KIF13B: variants seen among roughly 807,000 people sequenced by gnomAD.
KIF13B encodes kinesin-like protein KIF13B.
Under a neutral mutation model 222.0 loss-of-function variants are expected in KIF13B, and 127 were observed. That is an observed-to-expected ratio of 0.57 (90% CI 0.50 to 0.66). The LOEUF is 0.66. Among genes scored for constraint, KIF13B ranks in the 30% least tolerant of loss-of-function variants. KIF13B has a pLI of 0.00. For missense variants in KIF13B, 2,173 were observed against 2,379.0 expected (o/e 0.91, Z 1.80); for synonymous variants, 976 against 919.0 (o/e 1.06, Z -1.12).
intron 1 of KIF13B, among the ~76,000 whole-genome samples, chr8:29,257,752 C>G (rs560668694): frequency 3.7e-4 from 57 of 152,100 alleles, no homozygotes; most frequent in Middle Eastern, 6.8e-3. Context: ...GTTGAGGATG[C>G]AGTGAGTGAT....
intron 6 of KIF13B, among the ~76,000 whole-genome samples, chr8:29,183,629 G>A (rs1047494687): frequency 2.6e-5 from 4 of 152,092 alleles, no homozygotes; most frequent in African/African-American, 9.7e-5. Context: ...AATAAACTTT[G>A]GGCTCTAGAA....
chr8:29,195,210 C>T (rs1359653705), intron 3 of KIF13B, among the ~76,000 whole-genome samples: 2 of 152,014 alleles, frequency 1.3e-5, no homozygotes, highest in Admixed American at 1.3e-4. Flanking sequence ...ATCACGCCAC[C>T]GCACTCCAGC....
At chr8:29,100,669 C>T (rs1480935989) in intron 35 of KIF13B, among the ~76,000 whole-genome samples, 3 of 152,074 alleles carry the variant, frequency 2.0e-5, no homozygotes, top group African/African-American at 7.2e-5. Flanking sequence ...AGACTGGTCT[C>T]GAACTCCTGA....
intron 18 of KIF13B, among the ~76,000 whole-genome samples, chr8:29,145,544 T>C (rs904418462): frequency 3.3e-5 from 5 of 152,064 alleles, no homozygotes; most frequent in Non-Finnish European, 1.5e-5. Flanking sequence ...GGCAGGAGAA[T>C]CGCTTGAACC....
At chr8:29,141,677 G>C (rs745374066) in intron 19 of KIF13B, among the ~76,000 whole-genome samples, 8 of 152,228 alleles carry the variant, frequency 5.3e-5, no homozygotes, top group Non-Finnish European at 1.0e-4. Flanking sequence ...CCAATGTATA[G>C]ATTTATGGCA....
rs550905532 is a variant in KIF13B, at chr8:29,252,055, G to A, written c.56-6616C>T. Among the ~76,000 whole-genome samples, 13 of 152,020 alleles carry A rather than the reference G, an allele frequency of 8.6e-5. 1 individual carries two copies. In the South Asian group the frequency reaches 2.1e-3, roughly 24 times the overall value. On this transcript the variant is annotated intron_variant, in intron 1 of 39. Transcript: ENST00000524189. The stretch of plus-strand genomic sequence containing the variant: ...AAAAAGGGAAGGGGGATGGGAGAAG[G>A]GGGAAGCGGGAAGGAAGGGGAGGAA...
At chr8:29,240,020 A>G (rs1346594578) in intron 2 of KIF13B, among the ~76,000 whole-genome samples, 1 of 151,478 alleles carries the variant, frequency 6.6e-6, no homozygotes, top group Non-Finnish European at 1.5e-5. Flanking sequence ...AAGAAAAAAA[A>G]AAGAAACACA....
Position 29,127,261 on chromosome 8 carries a change from G to T in KIF13B, c.3083C>A (p.Ser1028Tyr), listed in dbSNP as rs1351491411. Residue 1028 changes from serine to tyrosine, a missense_variant, in exon 25 of 40, where the codon TCC becomes TAC. Physicochemically the swap from Ser to Tyr is moderately radical, Grantham distance 144 (BLOSUM62 -2). Coordinates refer to ENST00000524189, the MANE Select transcript of KIF13B (RefSeq NM_015254.4). ...GGIFQLRQGQ[S>Y]RRVQVEVKSV... ...CTTCACTTCGACTTGAACTCTCCGGGACTGCCCCTGGGTCACAGACAATTT... is the reference window on the plus strand; with the variant it reads ...CTTCACTTCGACTTGAACTCTCCGGTACTGCCCCTGGGTCACAGACAATTT... 6.2e-7 allele frequency: 1 copy of T among 1,613,614 alleles called. No individual in the cohort carries two copies. Among genetic ancestry groups the T allele is most frequent in the Non-Finnish European group, 8.5e-7 (1 of 1,179,718 alleles).
intron 1 of KIF13B, among the ~76,000 whole-genome samples, chr8:29,250,665 G>A (rs1274662799): frequency 6.6e-6 from 1 of 152,132 alleles, no homozygotes; most frequent in African/African-American, 2.4e-5. Context: ...CCTGTCGATT[G>A]AAGGATAGTA....
intron 9 of KIF13B, 142 bp from the exon 10 acceptor site, chr8:29,176,321 G>C (rs1263075009): frequency 1.7e-5 from 10 of 605,218 alleles, no homozygotes; most frequent in Non-Finnish European, 2.9e-5. Context: ...CAGTTCAAAA[G>C]CACACAACTC....
chr8:29,120,535 T>C (rs1301357145), intron 29 of KIF13B, among the ~76,000 whole-genome samples: 2 of 4,818 alleles, frequency 4.2e-4, no homozygotes, highest in African/African-American at 1.1e-3. Flanking sequence ...CTGCATAGTA[T>C]TCCATGGTGT....
Position 29,075,307 on chromosome 8 carries a change from C to T in KIF13B, c.4495G>A (p.Asp1499Asn). 1 of 1,558,818 alleles carries T rather than the reference C, an allele frequency of 6.4e-7. No individual in the cohort carries two copies. The highest frequency in any genetic ancestry group is 8.7e-7 in the Non-Finnish European group (1 of 1,150,858). The change falls in exon 38 of 40, where the codon GAC (aspartate) becomes AAC (asparagine). Residue 1499 changes from aspartate (D) to asparagine (N), a missense_variant. Transcript: ENST00000524189. ...PRIMVQSASP[D>N]IRVTRMEEAQ... ...TCCTCCATCCTGGTCACCCTGATGT[C>T]CGGGCTGGCTGACTGCACCATGATG...
chr8:29,074,711 G>A (rs1586741532), intron 38 of KIF13B, among the ~76,000 whole-genome samples: 1 of 152,364 alleles, frequency 6.6e-6, no homozygotes, highest in Non-Finnish European at 1.5e-5. Flanking sequence ...TCAGATAGAA[G>A]TAAATTCACG....
At chr8:29,082,923 A>C (rs929702675) in intron 37 of KIF13B, among the ~76,000 whole-genome samples, 1 of 152,220 alleles carries the variant, frequency 6.6e-6, no homozygotes, top group African/African-American at 2.4e-5. Context: ...ACAGCAATTC[A>C]AGACCAGCCG....
At chr8:29,149,186 T>A (rs2130006678) in intron 15 of KIF13B, among the ~76,000 whole-genome samples, 1 of 152,362 alleles carries the variant, frequency 6.6e-6, no homozygotes, top group Non-Finnish European at 1.5e-5. Flanking sequence ...ATTCAAAATT[T>A]GTATAGCACA....
At chr8:29,191,738 A>C (rs534174700) in intron 3 of KIF13B, among the ~76,000 whole-genome samples, 1 of 152,328 alleles carries the variant, frequency 6.6e-6, no homozygotes, top group African/African-American at 2.4e-5. Context: ...GTTCTTTTGC[A>C]CTGTTTGAAA....
chr8:29,087,654 T>C (rs570482289), intron 37 of KIF13B, among the ~76,000 whole-genome samples: 4 of 152,246 alleles, frequency 2.6e-5, no homozygotes, highest in East Asian at 3.9e-4. Context: ...GAGGCCACCA[T>C]TTAGACGAGA....
At chr8:29,109,166 C>G (rs1425906896) in intron 34 of KIF13B, among the ~76,000 whole-genome samples, 1 of 152,220 alleles carries the variant, frequency 6.6e-6, no homozygotes, top group African/African-American at 2.4e-5. Flanking sequence ...CAAACATTCA[C>G]TGAACACCTC....
Position 29,120,166 on chromosome 8 carries a change from G to GTTTTTT in KIF13B, c.3536-1180_3536-1175dup, listed in dbSNP as rs57731633. On this transcript the variant is annotated intron_variant, in intron 29 of 39. Transcript: ENST00000524189. ...GTGAGTGGGAAACAGAAAAATGACA[G>GTTTTTT]TTTTTTTTTTTTTTTTTTTTTTTTT... Among the ~76,000 whole-genome samples, 12 of 102,366 alleles carry GTTTTTT rather than the reference G, an allele frequency of 1.2e-4. No individual in the cohort carries two copies. The East Asian group carries it at 1.4e-3, about 12-fold the overall frequency. The allele number at this position is 102,366 out of a possible 152,430, so 67.2% of individuals were successfully genotyped here. A position where few individuals can be genotyped will look rare whatever the true frequency, so the allele number is the denominator to read the frequency against.
Sources: allele counts gnomAD v4.1 joint callset (sites outside exome capture counted in the v4.1 genomes callset), GRCh38; gene constraint gnomAD v4.1.1; transcripts MANE v1.5; gene names NCBI Gene and HGNC (gene_info 2026-07-23, HGNC 2026-07-21).